Variants in PUM2 observed in about 807,000 individuals in gnomAD.
PUM2 encodes the protein pumilio RNA binding family member 2.
In PUM2, 57 loss-of-function variants were observed where a neutral mutation model predicts 124.5. The observed-to-expected ratio is 0.46, with a 90% confidence interval of 0.37 to 0.57. The LOEUF is 0.57. PUM2 is among the 20% of genes least tolerant of loss of function. PUM2 has a pLI of 0.00. For synonymous variants in PUM2, 460 were observed against 446.1 expected (o/e 1.03, Z -0.39); for missense variants, 1,065 against 1,290.6 (o/e 0.83, Z 2.68).
chr2:20,334,950 T>A (rs1464666583), intron 1 of PUM2, among the ~76,000 whole-genome samples: 1 of 152,146 alleles, frequency 6.6e-6, no homozygotes, highest in Non-Finnish European at 1.5e-5. Context: ...CTCCTTGGAC[T>A]GTTTTGTTTT....
chr2:20,351,137 T>C (rs1689300754), upstream of PUM2, among the ~76,000 whole-genome samples: 1 of 152,144 alleles, frequency 6.6e-6, no homozygotes, highest in Admixed American at 6.5e-5. Context: ...TCGACTGTCT[T>C]CCCGCGTGGG....
At chr2:20,279,086 T>G (rs1388479909) in intron 12 of PUM2, among the ~76,000 whole-genome samples, 1 of 152,156 alleles carries the variant, frequency 6.6e-6, no homozygotes, top group Non-Finnish European at 1.5e-5. Flanking sequence ...ATCTGATTAC[T>G]GTGCTTTAAT....
chr2:20,311,457 A>T, intron 5 of PUM2, 37 bp downstream of exon 5: 4 of 1,562,688 alleles, frequency 2.6e-6, no homozygotes, highest in Non-Finnish European at 3.5e-6. Context: ...ATCCCTAAAA[A>T]GATACGCTTT....
At chr2:20,298,471 T>A (rs996489881) in intron 7 of PUM2, among the ~76,000 whole-genome samples, 1 of 152,206 alleles carries the variant, frequency 6.6e-6, no homozygotes, top group Non-Finnish European at 1.5e-5. Context: ...GCAGTACTCA[T>A]TAAAGAGAGA....
At chr2:20,297,074 A>G (rs1426774076) in intron 8 of PUM2, among the ~76,000 whole-genome samples, 2 of 152,040 alleles carry the variant, frequency 1.3e-5, no homozygotes, top group East Asian at 1.9e-4. Context: ...ACTTGATCCA[A>G]ACTTTTTGTC....
intron 5 of PUM2, among the ~76,000 whole-genome samples, chr2:20,311,117 C>A (rs1679494968): frequency 6.6e-6 from 1 of 151,794 alleles, no homozygotes; most frequent in African/African-American, 2.4e-5. Context: ...AGGAAGAAAA[C>A]TCCACTGAAA....
At chr2:20,325,608 G>A (rs1488806189) in intron 2 of PUM2, among the ~76,000 whole-genome samples, 4 of 151,138 alleles carry the variant, frequency 2.6e-5, no homozygotes, top group Admixed American at 6.6e-5. Flanking sequence ...TAATGTAGGA[G>A]TATGACTCTC....
intron 3 of PUM2, 109 bp from the exon 4 acceptor site, chr2:20,312,532 ATGT>A: frequency 1.0e-6 from 1 of 1,003,712 alleles, no homozygotes; most frequent in Non-Finnish European, 1.5e-6. Flanking sequence ...TTTATTTTGA[ATGT>A]TATTACTATA....
chr2:20,321,906 T>A (rs911525096), intron 2 of PUM2, among the ~76,000 whole-genome samples: 4 of 152,118 alleles, frequency 2.6e-5, no homozygotes, highest in Non-Finnish European at 5.9e-5. Flanking sequence ...GAATATACAG[T>A]GTCTTTTCCT....
intron 13 of PUM2, among the ~76,000 whole-genome samples, chr2:20,272,111 C>T (rs1216656306): frequency 2.0e-5 from 3 of 151,708 alleles, no homozygotes; most frequent in Admixed American, 6.6e-5. Flanking sequence ...GAGCTGAAAT[C>T]GCACCATTGC....
At chr2:20,297,761 T>C in intron 7 of PUM2, 83 bp from the exon 8 acceptor site, 2 of 1,419,182 alleles carry the variant, frequency 1.4e-6, no homozygotes, top group Non-Finnish European at 1.9e-6. Flanking sequence ...CTACTCTGAA[T>C]CTGGGGTGGT....
chr2:20,256,304 G>C (rs1378761261), intron 16 of PUM2, 134 bp from the exon 17 acceptor site: 14 of 807,920 alleles, frequency 1.7e-5, no homozygotes, highest in Non-Finnish European at 2.3e-5. Context: ...ACTGAGATGG[G>C]AACACAAATA....
chr2:20,332,998 T>C (rs1210292458), intron 1 of PUM2: 2 of 152,206 alleles, frequency 1.3e-5, no homozygotes, highest in Admixed American at 1.3e-4. Flanking sequence ...AAACTTTTCT[T>C]TGGCCAAGAC....
intron 13 of PUM2, among the ~76,000 whole-genome samples, chr2:20,273,039 T>A (rs978126893): frequency 3.7e-4 from 56 of 152,342 alleles, no homozygotes; most frequent in Admixed American, 2.4e-3. Flanking sequence ...CTGCCTGTAT[T>A]TTAAAGGCTA....
chr2:20,283,167 C>A lies in PUM2; in HGVS notation c.1500G>T (p.Arg500=), dbSNP rs1479040906. ...GCTGTGGTGGCTGAGTGCCAATTGG[C>A]CGAAACAGACCATTTGTGCTGCCTG... ...SLTGSTNGLF[R]PIGTQPPQQQ... Residue 500 remains arginine, a synonymous_variant, in exon 12 of 21, where the codon CGG becomes CGT. Transcript: ENST00000361078. 7 of 1,614,064 alleles carry A rather than the reference C, an allele frequency of 4.3e-6. No homozygotes were observed. The South Asian group carries it at 6.6e-5, about 15-fold the overall frequency.
intron 12 of PUM2, among the ~76,000 whole-genome samples, chr2:20,280,701 T>C (rs1671305603): frequency 6.6e-6 from 1 of 152,196 alleles, no homozygotes; most frequent in Non-Finnish European, 1.5e-5. Flanking sequence ...TCTTTAAGTT[T>C]TACTATATGT....
At chr2:20,314,153 T>C (rs1680329290) in intron 3 of PUM2, among the ~76,000 whole-genome samples, 1 of 151,986 alleles carries the variant, frequency 6.6e-6, no homozygotes, top group Admixed American at 6.6e-5. Context: ...CCACTGCAAA[T>C]AAATAAATTA....
chr2:20,336,326 A>G (rs2148995758), intron 1 of PUM2, among the ~76,000 whole-genome samples: 1 of 152,016 alleles, frequency 6.6e-6, no homozygotes, highest in African/African-American at 2.4e-5. Flanking sequence ...CTGGGACTAC[A>G]AATGCATACC....
intron 7 of PUM2, among the ~76,000 whole-genome samples, chr2:20,307,084 C>T (rs1678509948): frequency 6.6e-6 from 1 of 151,968 alleles, no homozygotes; most frequent in South Asian, 2.1e-4. Context: ...GATGTGGTGG[C>T]AGACGCCTGT....
Sources: gnomAD v4.1 joint callset for allele counts (sites outside exome capture counted in the v4.1 genomes callset) on GRCh38, gnomAD v4.1.1 for gene constraint, MANE v1.5 for transcripts, NCBI Gene and HGNC (gene_info 2026-07-23, HGNC 2026-07-21) for gene names.